PTPN4: variants seen among roughly 807,000 people sequenced by gnomAD.
PTPN4 encodes protein tyrosine phosphatase non-receptor type 4, also known as tyrosine-protein phosphatase non-receptor type 4.
PTPN4 carries 49 observed loss-of-function variants against 135.5 expected under a neutral mutation model. The ratio of observed to expected loss-of-function variants is 0.36; its 90% confidence interval spans 0.29 to 0.46. The LOEUF is 0.46. Ranked by LOEUF, PTPN4 falls within the 20% of genes least tolerant of loss-of-function variation. The probability of loss-of-function intolerance (pLI) is 1.00; values close to 1 mark genes in which losing one functional copy is unlikely to be tolerated. For missense variants in PTPN4, 860 were observed against 1,101.0 expected (o/e 0.78, Z 3.10); for synonymous variants, 333 against 369.9 (o/e 0.90, Z 1.14).
chr2:119,779,750 T>A (rs1002646420), intron 1 of PTPN4, among the ~76,000 whole-genome samples: 16 of 152,208 alleles, frequency 1.1e-4, no homozygotes, highest in Non-Finnish European at 4.4e-5. Flanking sequence ...ATAATTCTTT[T>A]ATTTTTTGTT....
In PTPN4 at chr2:119,760,733, C is replaced by CTTTTTTT. The variant is rs59953430; in HGVS notation, c.-18+365_-18+371dup. 3.5e-3 allele frequency among the ~76,000 whole-genome samples: 282 copies of CTTTTTTT among 79,918 alleles called. 15 individuals carry two copies. Among genetic ancestry groups the CTTTTTTT allele is most frequent in the African/African-American group, 0.012 (245 of 19,740 alleles). The allele number at this position is 79,918 out of a possible 152,430, so 52.4% of individuals were successfully genotyped here. On this transcript the variant is annotated intron_variant, in intron 1 of 26. Coordinates refer to ENST00000263708, the MANE Select transcript of PTPN4 (RefSeq NM_002830.4). ...GAGTTTTCCATTGCTGGTAGAATTC[C>CTTTTTTT]TTTTTTTTTTTTTTTTTTTTTTGGC... is the stretch of plus-strand genomic sequence containing the variant.
chr2:119,947,938 C>G (rs1357027258), intron 18 of PTPN4, among the ~76,000 whole-genome samples: 1 of 152,074 alleles, frequency 6.6e-6, no homozygotes, highest in African/African-American at 2.4e-5. Context: ...AGGGACCTCT[C>G]AGTCTAAATT....
chr2:119,940,820 G>A lies in PTPN4; in HGVS notation c.1356-4261G>A, dbSNP rs140262103. On this transcript the variant is annotated intron_variant, in intron 15 of 26. Transcript: ENST00000263708. ...TTCTATGTACAATTGTGCCTTTACC[G>A]TTTTTTAAAAAAAATTCATGATTTT... Among the ~76,000 whole-genome samples the A allele has an allele frequency of 9.6e-3, 1,462 of 151,736 alleles. 10 individuals carry two copies. Among genetic ancestry groups the A allele is most frequent in the Middle Eastern group, 0.017 (5 of 294 alleles).
At chr2:119,953,089 T>C (rs1029472834) in intron 19 of PTPN4, among the ~76,000 whole-genome samples, 2 of 152,222 alleles carry the variant, frequency 1.3e-5, no homozygotes, top group African/African-American at 4.8e-5. Context: ...AGTGTTCATA[T>C]GGCATTGTTT....
Position 119,881,288 on chromosome 2 carries a change from T to C in PTPN4, c.369-498T>C, listed in dbSNP as rs558932309. 9.2e-5 allele frequency among the ~76,000 whole-genome samples: 14 copies of C among 152,348 alleles called. No homozygotes were observed. The South Asian group carries it at 2.9e-3, about 32-fold the overall frequency. ...GACTTCCTTAATTCACATGGAAGTG[T>C]ATAGGTGCTTTTCTGTAACAGGCAG... is the stretch of plus-strand genomic sequence containing the variant. On this transcript the variant is annotated intron_variant, in intron 5 of 26. Coordinates refer to ENST00000263708, the MANE Select transcript of PTPN4 (RefSeq NM_002830.4).
chr2:119,926,627 A>G lies in PTPN4; in HGVS notation c.1031A>G (p.Tyr344Cys), dbSNP rs2105033263. 2 of 1,605,966 alleles carry G rather than the reference A, an allele frequency of 1.2e-6. No homozygotes were observed. The highest frequency in any genetic ancestry group is 1.7e-6 in the Non-Finnish European group (2 of 1,174,826). ...CGRTEVQSVQ[Y>C]GKEKANKDRV... ...AGAACTGAAGTCCAATCAGTTCAGT[A>G]TGGCAAAGAAAAGGCAAATAAAGAC... The change falls in exon 13 of 27, where the codon TAT (tyrosine) becomes TGT (cysteine). Residue 344 changes from tyrosine to cysteine, a missense_variant. This residue lies in a region of PTPN4 where 684 missense variants were observed against 807.0 expected (regional missense o/e 0.85). Coordinates refer to ENST00000263708, the MANE Select transcript of PTPN4 (RefSeq NM_002830.4).
intron 2 of PTPN4, among the ~76,000 whole-genome samples, chr2:119,854,718 G>T (rs1233706467): frequency 6.6e-6 from 1 of 152,220 alleles, no homozygotes; most frequent in African/African-American, 2.4e-5. Context: ...AGATGTGTAA[G>T]CAAGAGGGGG....
chr2:119,798,739 A>G (rs1299001661), intron 1 of PTPN4, among the ~76,000 whole-genome samples: 2 of 152,220 alleles, frequency 1.3e-5, no homozygotes, highest in Non-Finnish European at 2.9e-5. Flanking sequence ...CTTAAGCTTT[A>G]GGTCTATATT....
At chr2:119,871,515 T>C (rs1463673039) in intron 3 of PTPN4, among the ~76,000 whole-genome samples, 2 of 152,078 alleles carry the variant, frequency 1.3e-5, no homozygotes, top group African/African-American at 2.4e-5. Context: ...TATAGTGCAC[T>C]ATGCTGATTG....
chr2:119,901,945 G>C (rs1284955720), intron 10 of PTPN4, among the ~76,000 whole-genome samples: 1 of 152,136 alleles, frequency 6.6e-6, no homozygotes. Flanking sequence ...TGGGAAAAAG[G>C]AATGAAAGAA....
intron 15 of PTPN4, among the ~76,000 whole-genome samples, chr2:119,936,396 T>A (rs1678984648): frequency 6.6e-6 from 1 of 152,154 alleles, no homozygotes; most frequent in African/African-American, 2.4e-5. Flanking sequence ...TGAATTGTAA[T>A]CTCCAGGTGT....
intron 9 of PTPN4, among the ~76,000 whole-genome samples, chr2:119,895,696 C>T (rs1289608645): frequency 4.6e-5 from 7 of 151,888 alleles, no homozygotes; most frequent in Admixed American, 6.6e-5. Flanking sequence ...CCAAGGCAGG[C>T]GGATCACGAG....
intron 12 of PTPN4, 151 bp downstream of exon 12, chr2:119,920,392 A>G: frequency 1.2e-6 from 1 of 806,978 alleles, no homozygotes; most frequent in Non-Finnish European, 1.9e-6. Context: ...TATCAGTATC[A>G]TTAAAAAGTT....
At chr2:119,899,491 G>A (rs1214001314) in intron 9 of PTPN4, among the ~76,000 whole-genome samples, 1 of 152,058 alleles carries the variant, frequency 6.6e-6, no homozygotes, top group African/African-American at 2.4e-5. Flanking sequence ...ATATCTTTAA[G>A]GATTCCTCAA....
intron 1 of PTPN4, among the ~76,000 whole-genome samples, chr2:119,786,084 C>T (rs757774018): frequency 6.6e-5 from 10 of 152,168 alleles, no homozygotes; most frequent in Non-Finnish European, 1.3e-4. Context: ...TTACACTTCT[C>T]CTCCTTTCAT....
intron 2 of PTPN4, among the ~76,000 whole-genome samples, chr2:119,833,640 C>T (rs1385235473): frequency 2.6e-5 from 4 of 151,998 alleles, no homozygotes; most frequent in African/African-American, 4.8e-5. Context: ...GTCGGAGTTA[C>T]GGATGCGTTC....
At chr2:119,896,971 A>G (rs1461662692) in intron 9 of PTPN4, among the ~76,000 whole-genome samples, 1 of 152,148 alleles carries the variant, frequency 6.6e-6, no homozygotes, top group African/African-American at 2.4e-5. Context: ...CCCAGGCTGA[A>G]GTATAGTGGT....
chr2:119,805,820 A>C (rs1430686769), intron 1 of PTPN4, among the ~76,000 whole-genome samples: 1 of 152,206 alleles, frequency 6.6e-6, no homozygotes, highest in African/African-American at 2.4e-5. Flanking sequence ...CTGCAAAGAA[A>C]ATCATTGTTA....
chr2:119,877,632 G>A, intron 5 of PTPN4, 90 bp downstream of exon 5: 1 of 1,421,666 alleles, frequency 7.0e-7, no homozygotes, highest in African/African-American at 1.4e-5. Context: ...AATTACTGTG[G>A]TGTAATTCTG....
Sources: allele counts gnomAD v4.1 joint callset (sites outside exome capture counted in the v4.1 genomes callset), GRCh38; gene constraint gnomAD v4.1.1; regional missense constraint gnomAD v4.1.1; transcripts MANE v1.5; gene names NCBI Gene and HGNC (gene_info 2026-07-23, HGNC 2026-07-21).